Variants in PPP1R9A observed in about 807,000 individuals in gnomAD.
PPP1R9A encodes the protein neurabin-1.
PPP1R9A carries 59 observed loss-of-function variants against 141.9 expected under a neutral mutation model. That is an observed-to-expected ratio of 0.42 (90% CI 0.34 to 0.52). The LOEUF (loss-of-function observed/expected upper bound fraction) is 0.52, where lower values mean the gene tolerates loss of function less well. Among genes scored for constraint, PPP1R9A ranks in the 20% least tolerant of loss-of-function variants. The probability of loss-of-function intolerance (pLI) is 0.10; values close to 1 mark genes in which losing one functional copy is unlikely to be tolerated. For missense variants in PPP1R9A, 1,444 were observed against 1,611.9 expected (o/e 0.90, Z 1.78); for synonymous variants, 500 against 569.7 (o/e 0.88, Z 1.74).
In PPP1R9A at chr7:95,009,639, G is replaced by T. The variant is rs558766533; in HGVS notation, c.1395+98131G>T. Among the ~76,000 whole-genome samples the T allele has an allele frequency of 1.8e-4, 27 of 152,304 alleles. 1 individual carries two copies. Among genetic ancestry groups the T allele is most frequent in the Admixed American group, 6.5e-4 (10 of 15,290 alleles). On this transcript the variant is annotated intron_variant, in intron 2 of 19. Transcript: ENST00000433360. ...GTTGTACAATTCTGCCAGAACTTGTGCTTCAGCAGTTTGAGCAGTTAGGGC... is the reference window on the plus strand; with the variant it reads ...GTTGTACAATTCTGCCAGAACTTGTTCTTCAGCAGTTTGAGCAGTTAGGGC...
chr7:95,053,346 A>G (rs1015327530), intron 2 of PPP1R9A, among the ~76,000 whole-genome samples: 2 of 152,184 alleles, frequency 1.3e-5, no homozygotes, highest in African/African-American at 4.8e-5. Context: ...GGGAACAGGG[A>G]ATAGAGTGAA....
intron 7 of PPP1R9A, among the ~76,000 whole-genome samples, chr7:95,215,888 G>A (rs1793287857): frequency 6.6e-6 from 1 of 152,122 alleles, no homozygotes; most frequent in Admixed American, 6.5e-5. Context: ...TGTCAGATGA[G>A]TAGATTGCAA....
chr7:94,970,137 C>G (rs1045505086), intron 2 of PPP1R9A, among the ~76,000 whole-genome samples: 2 of 152,088 alleles, frequency 1.3e-5, no homozygotes, highest in African/African-American at 2.4e-5. Context: ...GCCTTCAGCC[C>G]CCTTTCCAGG....
At chr7:95,108,374 C>T (rs1331472251) in intron 2 of PPP1R9A, among the ~76,000 whole-genome samples, 16 of 118,908 alleles carry the variant, frequency 1.3e-4, no homozygotes, top group Admixed American at 4.8e-4. Flanking sequence ...AGTGCAGTGG[C>T]GCGGGAGCTC....
At chr7:95,032,682 G>T (rs892588708) in intron 2 of PPP1R9A, among the ~76,000 whole-genome samples, 4 of 151,938 alleles carry the variant, frequency 2.6e-5, no homozygotes, top group African/African-American at 4.8e-5. Context: ...CTTTATTTTG[G>T]GCTATATAGC....
intron 2 of PPP1R9A, among the ~76,000 whole-genome samples, chr7:95,102,998 A>T (rs1398333099): frequency 6.6e-6 from 1 of 152,152 alleles, no homozygotes; most frequent in African/African-American, 2.4e-5. Context: ...CTTAACGTGG[A>T]TTGGCCTCAT....
intron 2 of PPP1R9A, among the ~76,000 whole-genome samples, chr7:94,919,577 T>C (rs1792529901): frequency 6.6e-6 from 1 of 152,178 alleles, no homozygotes. Context: ...ACTTCTCTTA[T>C]ATTGTCACTT....
At chr7:95,254,110 GT>G (rs1799260658) in intron 12 of PPP1R9A, among the ~76,000 whole-genome samples, 1 of 152,028 alleles carries the variant, frequency 6.6e-6, no homozygotes, top group Non-Finnish European at 1.5e-5. Context: ...ATAATTATCA[GT>G]TTCCCTAGCA....
At chr7:95,118,292 T>C (rs1821873880) in intron 3 of PPP1R9A, among the ~76,000 whole-genome samples, 1 of 152,212 alleles carries the variant, frequency 6.6e-6, no homozygotes, top group Admixed American at 6.5e-5. Context: ...ATGAAATCAG[T>C]CTTTATACCA....
chr7:95,099,824 A>G (rs914376771), intron 2 of PPP1R9A, among the ~76,000 whole-genome samples: 1 of 152,184 alleles, frequency 6.6e-6, no homozygotes, highest in Non-Finnish European at 1.5e-5. Flanking sequence ...AAATAAAAAA[A>G]TACTTTTCAA....
intron 2 of PPP1R9A, among the ~76,000 whole-genome samples, chr7:95,015,448 T>A (rs917180776): frequency 2.0e-4 from 30 of 152,066 alleles, no homozygotes; most frequent in African/African-American, 7.0e-4. Context: ...CTGAATGAAA[T>A]CTCACTAGAT....
intron 2 of PPP1R9A, among the ~76,000 whole-genome samples, chr7:95,013,485 G>T (rs1306846921): frequency 6.6e-6 from 1 of 151,962 alleles, no homozygotes; most frequent in East Asian, 1.9e-4. Context: ...GCAAACAGAG[G>T]GTTATCCAAA....
intron 9 of PPP1R9A, among the ~76,000 whole-genome samples, chr7:95,248,424 CT>C (rs1798440172): frequency 6.6e-6 from 1 of 151,904 alleles, no homozygotes; most frequent in African/African-American, 2.4e-5. Flanking sequence ...CTCTGCAGCT[CT>C]TTAGTCAAAA....
At position 95,269,498 on chromosome 7, in the gene PPP1R9A, C is replaced by T. The variant is rs1422776949; in HGVS notation, c.3115C>T (p.Arg1039Ter). The change falls in exon 14 of 20, where the codon CGA becomes TGA. Residue 1039 changes from arginine (R) to a stop codon, truncating the protein, a stop_gained. Coordinates refer to ENST00000433360, the MANE Select transcript of PPP1R9A (RefSeq NM_001166160.2). LOFTEE classifies it high-confidence loss of function. ...HHQTTNKKILREKDDAKDPKS... is the reference protein window; with the variant it reads ...HHQTTNKKIL ...CCAAACCACCAACAAGAAAATATTA[C>T]GAGAAAAAGGTATTGTTAATTTCTT... The T allele has an allele frequency of 2.6e-6, 4 of 1,566,366 alleles. No homozygotes were observed. Among genetic ancestry groups the T allele is most frequent in the Non-Finnish European group, 3.5e-6 (4 of 1,152,572 alleles).
At chr7:95,091,535 G>C (rs1817344689) in intron 2 of PPP1R9A, among the ~76,000 whole-genome samples, 1 of 151,214 alleles carries the variant, frequency 6.6e-6, no homozygotes. Flanking sequence ...GTAGAGATGG[G>C]GTTTTGCTAT....
intron 2 of PPP1R9A, among the ~76,000 whole-genome samples, chr7:95,044,378 AT>A (rs754294151): frequency 3.9e-5 from 6 of 152,220 alleles, no homozygotes; most frequent in South Asian, 4.1e-4. Context: ...AAGAAAAAAA[AT>A]ATGAACATTT....
At chr7:95,055,052 T>C (rs930498023) in intron 2 of PPP1R9A, among the ~76,000 whole-genome samples, 76 of 152,200 alleles carry the variant, frequency 5.0e-4, no homozygotes, top group Non-Finnish European at 7.8e-4. Flanking sequence ...GAGAAATCTA[T>C]GTATTGGATT....
chr7:95,221,062 GA>G (rs1437078307), intron 7 of PPP1R9A, among the ~76,000 whole-genome samples: 2 of 152,076 alleles, frequency 1.3e-5, no homozygotes, highest in African/African-American at 2.4e-5. Context: ...GGTCTTCTAG[GA>G]ACTTACATTT....
intron 2 of PPP1R9A, among the ~76,000 whole-genome samples, chr7:94,967,913 A>G (rs1046644413): frequency 6.6e-6 from 1 of 152,180 alleles, no homozygotes; most frequent in Admixed American, 6.5e-5. Flanking sequence ...AGTTCTGTAG[A>G]TGCCTATTAG....
Sources: gnomAD v4.1 joint callset for allele counts (sites outside exome capture counted in the v4.1 genomes callset) on GRCh38, gnomAD v4.1.1 for gene constraint, MANE v1.5 for transcripts, NCBI Gene and HGNC (gene_info 2026-07-23, HGNC 2026-07-21) for gene names.